The following KDM5A variants were observed in gnomAD, a reference collection of about 807,000 sequenced individuals.
KDM5A encodes the protein lysine demethylase 5A, also known as lysine-specific demethylase 5A.
In KDM5A, 42 loss-of-function variants were observed where a neutral mutation model predicts 193.5. The ratio of observed to expected loss-of-function variants is 0.22; its 90% CI spans 0.17 to 0.28. KDM5A has a LOEUF of 0.28. Ranked by LOEUF, KDM5A falls within the 10% of genes least tolerant of loss-of-function variation. The pLI is 1.00. For missense variants in KDM5A, 1,692 were observed against 2,055.1 expected (o/e 0.82, Z 3.42); for synonymous variants, 796 against 718.1 (o/e 1.11, Z -1.73).
intron 13 of KDM5A, among the ~76,000 whole-genome samples, chr12:330,054 A>AGTGTGT (rs148451707): frequency 2.5e-4 from 36 of 142,340 alleles, no homozygotes; most frequent in Middle Eastern, 3.6e-3. Context: ...CAAAGGAAAA[A>AGTGTGT]GTGTGTGTGT....
At position 340,608 on chromosome 12, in the gene KDM5A, T is replaced by C. The variant is rs1377646363; in HGVS notation, c.1309-6186A>G. On this transcript the variant is annotated intron_variant, in intron 10 of 27. Transcript: ENST00000399788. Reference sequence around the variant, plus strand: ...TACTAGGGAGGCTGATGCAAAAGAATCACTTGAACCCGGGAGGCAGAGGTT... The same window carrying C: ...TACTAGGGAGGCTGATGCAAAAGAACCACTTGAACCCGGGAGGCAGAGGTT... Among the ~76,000 whole-genome samples the C allele has an allele frequency of 2.2e-5, 3 of 139,126 alleles. No homozygotes were observed. The South Asian group carries it at 6.7e-4, about 31-fold the overall frequency. 91.3% of individuals were successfully genotyped at this position (139,126 alleles called of 152,430 possible).
chr12:332,568 T>C (rs546706689), intron 12 of KDM5A, among the ~76,000 whole-genome samples: 4 of 152,320 alleles, frequency 2.6e-5, no homozygotes, highest in Non-Finnish European at 4.4e-5. Context: ...GGCATTAGCT[T>C]GAATTTGAGA....
chr12:366,444 CAG>C (rs1025351565), intron 3 of KDM5A, among the ~76,000 whole-genome samples: 10 of 151,968 alleles, frequency 6.6e-5, no homozygotes, highest in Non-Finnish European at 1.2e-4. Context: ...AGAATAAAAA[CAG>C]ATAAAAAATA....
At chr12:329,100 C>T in intron 13 of KDM5A, 71 bp from the exon 14 acceptor site, 1 of 1,226,572 alleles carries the variant, frequency 8.2e-7, no homozygotes, top group Non-Finnish European at 1.2e-6. Flanking sequence ...TACTTACCCT[C>T]CAGGTCCTCC....
chr12:301,811 G>A (rs962573244), intron 24 of KDM5A, among the ~76,000 whole-genome samples: 5 of 137,516 alleles, frequency 3.6e-5, no homozygotes, highest in Non-Finnish European at 6.3e-5. Context: ...AAGCTGATAA[G>A]CAACTTCAGC....
intron 27 of KDM5A, 149 bp from the exon 28 acceptor site, chr12:285,811 G>T: frequency 1.3e-6 from 1 of 756,940 alleles, no homozygotes; most frequent in East Asian, 2.7e-5. Context: ...ATTTTTTAAA[G>T]AAAGAAGCTG....
At position 318,193 on chromosome 12, in the gene KDM5A, G is replaced by A. The variant is rs1943671887; in HGVS notation, c.2810C>T (p.Ala937Val). 1.2e-6 allele frequency: 2 copies of A among 1,614,148 alleles called. No homozygotes were observed. Among genetic ancestry groups the A allele is most frequent in the Non-Finnish European group, 1.7e-6 (2 of 1,179,998 alleles). The change falls in exon 19 of 28, where the codon GCT becomes GTT. Residue 937 changes from alanine to valine, a missense_variant. Around this residue, in one of 11 missense-constraint regions of KDM5A, gnomAD observed 965 missense variants for 1,061.0 expected, o/e 0.91. Transcript: ENST00000399788. ...TAGTTCAGCCATTGCTTTCTCCACA[G>A]CATGGTGGGGTGCCAACCCTACCCC... ...DSGVGLAPHHAVEKAMAELQE... is the reference protein window; with the variant it reads ...DSGVGLAPHHVVEKAMAELQE...
At chr12:319,491 C>T (rs1943690367) in intron 18 of KDM5A, among the ~76,000 whole-genome samples, 1 of 152,196 alleles carries the variant, frequency 6.6e-6, no homozygotes, top group Non-Finnish European at 1.5e-5. Context: ...TGGCTCATGT[C>T]TGTAATTCCA....
At chr12:321,162 A>G in intron 17 of KDM5A, 53 bp from the exon 18 acceptor site, 1 of 1,243,758 alleles carries the variant, frequency 8.0e-7, no homozygotes, top group South Asian at 1.2e-5. Context: ...TCATTCTGAT[A>G]TCAAAAGGGC....
chr12:389,214 C>T lies in KDM5A; in HGVS notation c.-123G>A. 2.1e-6 allele frequency: 2 copies of T among 932,036 alleles called. No individual in the cohort carries two copies. Among genetic ancestry groups the T allele is most frequent in the Non-Finnish European group, 3.5e-6 (2 of 569,238 alleles). 57.7% of individuals were successfully genotyped at this position (932,036 alleles called of 1,614,324 possible). On this transcript the variant is annotated 5_prime_UTR_variant, in exon 1 of 28. Coordinates refer to ENST00000399788, the MANE Select transcript of KDM5A (RefSeq NM_001042603.3). ...GAAGCGCATCTTCGCGGACAAGAAC[C>T]GTTCAACACAGAAACCCCAGAATCG... is the stretch of plus-strand genomic sequence containing the variant.
At chr12:372,639 G>C (rs181474248) in intron 3 of KDM5A, among the ~76,000 whole-genome samples, 41 of 152,322 alleles carry the variant, frequency 2.7e-4, no homozygotes, top group Admixed American at 2.2e-3. Context: ...TTGAATAGGA[G>C]TGGTGAGAGA....
chr12:289,694 A>C (rs1170138054), intron 27 of KDM5A, among the ~76,000 whole-genome samples: 1 of 148,860 alleles, frequency 6.7e-6, no homozygotes, highest in Non-Finnish European at 1.5e-5. Flanking sequence ...CAGCCTGGGC[A>C]ACAGAGTAGG....
chr12:297,576 C>T (rs1943388661), intron 24 of KDM5A, among the ~76,000 whole-genome samples: 1 of 152,164 alleles, frequency 6.6e-6, no homozygotes, highest in Admixed American at 6.5e-5. Flanking sequence ...GTTATGAAGG[C>T]ATTCTTACAC....
intron 22 of KDM5A, 72 bp downstream of exon 22, chr12:309,731 T>C: frequency 6.7e-7 from 1 of 1,490,208 alleles, no homozygotes; most frequent in Non-Finnish European, 9.3e-7. Flanking sequence ...ACATAAAAAC[T>C]GTGAGTCTGC....
In KDM5A at chr12:297,165, T is replaced by C. The variant is rs1186384779; in HGVS notation, c.4110A>G (p.Glu1370=). The stretch of plus-strand genomic sequence containing the variant: ...TCTCTTCATCACAAAAAAGATTGGG[T>C]TCAAGACTACTAGAGGACTTCACAC... ...TASVKSSSSL[E]PNLFCDEEIP... Residue 1370 remains glutamate (E), a synonymous_variant, in exon 25 of 28, where the codon GAA becomes GAG. Coordinates refer to ENST00000399788, the MANE Select transcript of KDM5A (RefSeq NM_001042603.3). 1.2e-6 allele frequency: 2 copies of C among 1,613,996 alleles called. No individual in the cohort carries two copies. Among genetic ancestry groups the C allele is most frequent in the Non-Finnish European group, 1.7e-6 (2 of 1,179,978 alleles).
intron 1 of KDM5A, 113 bp downstream of exon 1, chr12:388,814 C>A: frequency 1.5e-6 from 2 of 1,316,886 alleles, no homozygotes; most frequent in South Asian, 2.4e-5. Context: ...CTCCAGTTGT[C>A]TCAAAAGAGA....
chr12:330,607 C>T (rs570304017), intron 13 of KDM5A, among the ~76,000 whole-genome samples: 8 of 152,300 alleles, frequency 5.3e-5, no homozygotes, highest in African/African-American at 1.9e-4. Context: ...ATCATAAACA[C>T]TCAATAAATG....
At chr12:312,013 G>A (rs568732094) in intron 20 of KDM5A, among the ~76,000 whole-genome samples, 2 of 152,214 alleles carry the variant, frequency 1.3e-5, no homozygotes, top group South Asian at 2.1e-4. Context: ...CAGCCAGGGC[G>A]ACAGAGCAAG....
chr12:348,698 G>C (rs1054369390), intron 10 of KDM5A, among the ~76,000 whole-genome samples: 1 of 151,908 alleles, frequency 6.6e-6, no homozygotes, highest in Non-Finnish European at 1.5e-5. Flanking sequence ...ACTCATAGGT[G>C]AGAAGTGAAC....
Sources: allele counts gnomAD v4.1 joint callset (sites outside exome capture counted in the v4.1 genomes callset), GRCh38; gene constraint gnomAD v4.1.1; regional missense constraint gnomAD v4.1.1; transcripts MANE v1.5; gene names NCBI Gene and HGNC (gene_info 2026-07-23, HGNC 2026-07-21).